Variants in FAT3 observed in about 807,000 individuals in gnomAD.
FAT3 encodes the protein FAT atypical cadherin 3, also known as protocadherin Fat 3.
A neutral mutation model predicts 310.2 loss-of-function variants in FAT3; 95 were observed. That is an observed-to-expected ratio of 0.31 (90% CI 0.26 to 0.36). The LOEUF is 0.36. Ranked by LOEUF, FAT3 falls within the 10% of genes least tolerant of loss-of-function variation. FAT3 has a pLI of 1.00. For missense variants in FAT3, 5,408 were observed against 5,715.6 expected, an observed-to-expected ratio of 0.95 and a Z score of 1.74; for synonymous variants, 2,314 against 2,192.9, an observed-to-expected ratio of 1.06 and a Z score of -1.54.
intron 3 of FAT3, among the ~76,000 whole-genome samples, chr11:92,548,579 G>A (rs577284947): frequency 6.6e-5 from 10 of 152,232 alleles, no homozygotes; most frequent in Admixed American, 5.2e-4. Context: ...AAATTTTAGG[G>A]CACTTATAAC....
chr11:92,857,477 G>A (rs1949010358), intron 20 of FAT3, 129 bp downstream of exon 20: 1 of 1,228,058 alleles, frequency 8.1e-7, no homozygotes, highest in African/African-American at 1.5e-5. Flanking sequence ...CCTTTAGAAT[G>A]GACCACAGCT....
At chr11:92,412,402 A>ATTTTTTTTTTTTT (rs780298367) in intron 2 of FAT3, among the ~76,000 whole-genome samples, 1 of 101,126 alleles carries the variant, frequency 9.9e-6, no homozygotes, top group Non-Finnish European at 1.9e-5. Context: ...GACCCGGCCT[A>ATTTTTTTTTTTTT]TTTTTTTTTT....
intron 4 of FAT3, among the ~76,000 whole-genome samples, chr11:92,742,767 ACTT>A (rs1455100932): frequency 6.6e-6 from 1 of 152,124 alleles, no homozygotes; most frequent in African/African-American, 2.4e-5. Flanking sequence ...AGCCAAATAA[ACTT>A]CTATTGTTTA....
intron 3 of FAT3, among the ~76,000 whole-genome samples, chr11:92,615,259 T>A (rs1940746312): frequency 1.3e-5 from 2 of 152,360 alleles, no homozygotes; most frequent in African/African-American, 4.8e-5. Flanking sequence ...TTACTTAATT[T>A]TTTTGAGACA....
At chr11:92,805,570 A>T (rs200394653) in intron 11 of FAT3, among the ~76,000 whole-genome samples, 1 of 45,192 alleles carries the variant, frequency 2.2e-5, no homozygotes, top group Non-Finnish European at 6.7e-5. Flanking sequence ...TGCCCCCAAC[A>T]AAAAAAAAAA....
At chr11:92,764,737 T>C (rs1456668216) in intron 5 of FAT3, 142 bp from the exon 6 acceptor site, 1 of 723,074 alleles carries the variant, frequency 1.4e-6, no homozygotes, top group Non-Finnish European at 2.2e-6. Context: ...AAGTCTTTAC[T>C]CCCCAGACCT....
rs758779345 is a variant in FAT3, at chr11:92,792,761, C to G, written c.4612-6C>G. ...AGTCCCACCACTTCTTGTATTTTGCCTAAAGGTCAGAGATCAGGAGTTTCC... is the reference window on the plus strand; with the variant it reads ...AGTCCCACCACTTCTTGTATTTTGCGTAAAGGTCAGAGATCAGGAGTTTCC... On this transcript the variant is annotated splice_region_variant and splice_polypyrimidine_tract_variant and intron_variant, in intron 8 of 27. Transcript: ENST00000525166. 27 of 1,613,156 alleles carry G rather than the reference C, an allele frequency of 1.7e-5. No homozygotes were observed. The highest frequency in any genetic ancestry group is 2.1e-5 in the Non-Finnish European group (25 of 1,179,534).
chr11:92,257,709 C>T (rs1296438556), intron 1 of FAT3, among the ~76,000 whole-genome samples: 1 of 152,130 alleles, frequency 6.6e-6, no homozygotes, highest in Non-Finnish European at 1.5e-5. Context: ...CTCAGAATTA[C>T]ATAACTCGAT....
intron 7 of FAT3, among the ~76,000 whole-genome samples, chr11:92,787,383 TATTAA>T (rs1227780032): frequency 6.6e-6 from 1 of 151,882 alleles, no homozygotes; most frequent in Non-Finnish European, 1.5e-5. Flanking sequence ...TTATATATAA[TATTAA>T]ATTAAATATT....
At chr11:92,674,597 C>T (rs2135836265) in intron 3 of FAT3, among the ~76,000 whole-genome samples, 1 of 152,118 alleles carries the variant, frequency 6.6e-6, no homozygotes, top group South Asian at 2.1e-4. Flanking sequence ...ACCAGAGCTC[C>T]CTGCAGCCTT....
intron 10 of FAT3, 126 bp from the exon 11 acceptor site, chr11:92,805,027 T>G: frequency 4.8e-6 from 4 of 834,892 alleles, no homozygotes; most frequent in Non-Finnish European, 6.9e-6. Context: ...TCAGTATCTT[T>G]GTAGTATCCT....
At chr11:92,369,445 A>C (rs1737489578) in intron 2 of FAT3, among the ~76,000 whole-genome samples, 1 of 152,220 alleles carries the variant, frequency 6.6e-6, no homozygotes, top group African/African-American at 2.4e-5. Context: ...CTGAACCAAC[A>C]GACAAATGTT....
intron 6 of FAT3, among the ~76,000 whole-genome samples, chr11:92,768,150 A>G (rs1160874243): frequency 6.6e-6 from 1 of 152,168 alleles, no homozygotes; most frequent in African/African-American, 2.4e-5. Flanking sequence ...TACTTTTCCT[A>G]GAGACTGCCT....
At chr11:92,562,077 T>C (rs1049285138) in intron 3 of FAT3, among the ~76,000 whole-genome samples, 12 of 152,124 alleles carry the variant, frequency 7.9e-5, no homozygotes, top group African/African-American at 2.7e-4. Context: ...TTCTGGATGG[T>C]TTCACCTCCC....
intron 2 of FAT3, among the ~76,000 whole-genome samples, chr11:92,389,752 T>C (rs1320702219): frequency 1.3e-5 from 2 of 152,172 alleles, no homozygotes; most frequent in African/African-American, 4.8e-5. Context: ...GAGAAGGTAA[T>C]TGCCGATGAT....
chr11:92,304,465 C>T (rs961744187), intron 1 of FAT3, among the ~76,000 whole-genome samples: 1 of 152,088 alleles, frequency 6.6e-6, no homozygotes, highest in African/African-American at 2.4e-5. Context: ...TGGTCATCTC[C>T]TCTGGAATGA....
chr11:92,397,401 G>C (rs921005298), intron 2 of FAT3, among the ~76,000 whole-genome samples: 1 of 152,092 alleles, frequency 6.6e-6, no homozygotes, highest in South Asian at 2.1e-4. Context: ...CAGCGCATGG[G>C]TCCCCTAAGG....
At chr11:92,669,843 T>G (rs939706338) in intron 3 of FAT3, among the ~76,000 whole-genome samples, 38 of 152,142 alleles carry the variant, frequency 2.5e-4, no homozygotes, top group African/African-American at 9.2e-4. Flanking sequence ...TGCAGTGTGA[T>G]TGTGAAGATT....
chr11:92,246,721 G>A (rs77098989), intron 1 of FAT3, among the ~76,000 whole-genome samples: 3,068 of 152,168 alleles, frequency 0.02, 111 homozygotes, highest in African/African-American at 0.07. Context: ...AGGCTTACCA[G>A]GCAGCACCAG....
Sources: gnomAD v4.1 joint callset for allele counts (sites outside exome capture counted in the v4.1 genomes callset) on GRCh38, gnomAD v4.1.1 for gene constraint, MANE v1.5 for transcripts, NCBI Gene and HGNC (gene_info 2026-07-23, HGNC 2026-07-21) for gene names.